The following ACTN1 variants were observed in gnomAD, a reference collection of about 807,000 sequenced individuals.
ACTN1 encodes actinin alpha 1.
A neutral mutation model predicts 119.6 loss-of-function variants in ACTN1; 30 were observed. The observed-to-expected ratio is 0.25, with a 90% CI of 0.19 to 0.34. The LOEUF (loss-of-function observed/expected upper bound fraction) is 0.34. Ranked by LOEUF, ACTN1 falls within the 10% of genes least tolerant of loss-of-function variation. The pLI, the probability that ACTN1 is intolerant of heterozygous loss-of-function variation, is 1.00. For synonymous variants in ACTN1, 429 were observed against 472.6 expected (o/e 0.91, Z 1.20); for missense variants, 764 against 1,223.4 (o/e 0.62, Z 5.60).
At chr14:68,968,891 C>T (rs192509176) in intron 1 of ACTN1, among the ~76,000 whole-genome samples, 13 of 152,350 alleles carry the variant, frequency 8.5e-5, no homozygotes, top group East Asian at 1.9e-4. Flanking sequence ...GGCAGCGGGA[C>T]GCAGGGATGC....
intron 1 of ACTN1, among the ~76,000 whole-genome samples, chr14:68,961,759 G>T (rs924781031): frequency 2.6e-5 from 4 of 152,196 alleles, no homozygotes; most frequent in African/African-American, 9.7e-5. Context: ...CACAGAAGGA[G>T]GAGGCAGGAG....
intron 11 of ACTN1, 112 bp downstream of exon 11, chr14:68,890,027 A>C: frequency 6.8e-7 from 1 of 1,475,728 alleles, no homozygotes; most frequent in Non-Finnish European, 9.1e-7. Flanking sequence ...GGAACTAGTA[A>C]GAGACCAAAT....
At chr14:68,930,682 C>T (rs1267181591) in intron 1 of ACTN1, among the ~76,000 whole-genome samples, 1 of 152,156 alleles carries the variant, frequency 6.6e-6, no homozygotes, top group African/African-American at 2.4e-5. Flanking sequence ...AGGTGGTAAA[C>T]CCTGGACAAG....
At chr14:68,930,065 C>T (rs2035150387) in intron 1 of ACTN1, among the ~76,000 whole-genome samples, 3 of 152,238 alleles carry the variant, frequency 2.0e-5, no homozygotes, top group African/African-American at 7.2e-5. Flanking sequence ...TCACATCTTT[C>T]ACAATTATCA....
chr14:68,978,863 G>T (rs1175752278), intron 1 of ACTN1, 89 bp downstream of exon 1: 3 of 918,760 alleles, frequency 3.3e-6, no homozygotes, highest in Non-Finnish European at 4.7e-6. Flanking sequence ...AACCGGTTCA[G>T]AGCCCGGAGC....
chr14:68,884,201 G>A lies in ACTN1; in HGVS notation c.1602C>T (p.Asp534=), dbSNP rs2031808690. 1 of 1,614,108 alleles carries A rather than the reference G, an allele frequency of 6.2e-7. No homozygotes were observed. The highest frequency in any genetic ancestry group is 8.5e-7 in the Non-Finnish European group (1 of 1,179,974). ...WMEGAMEDLQ[D]TFIVHTIEEI... ...CCTCAATGGTGTGCACAATGAAGGT[G>A]TCCTGCAGGTCCTCCATGGCCCCCT... The change falls in exon 14 of 22, where the codon GAC becomes GAT. Residue 534 remains aspartate (D), a synonymous_variant. Transcript: ENST00000394419.
intron 8 of ACTN1, among the ~76,000 whole-genome samples, chr14:68,898,228 C>T (rs1463250182): frequency 1.3e-5 from 2 of 152,226 alleles, no homozygotes; most frequent in Admixed American, 6.5e-5. Context: ...CTCTAAAACA[C>T]AAGCTACATA....
Position 68,878,782 on chromosome 14 carries a change from C to T in ACTN1, c.2361+207G>A, listed in dbSNP as rs539264823. The T allele has an allele frequency of 5.4e-5, 85 of 1,565,434 alleles. No homozygotes were observed. The highest frequency in any genetic ancestry group is 2.6e-4 in the African/African-American group (19 of 73,788). On this transcript the variant is annotated intron_variant, in intron 19 of 21. Transcript: ENST00000394419. This position sits in a 1 kb window ranked among gnomAD's most constrained non-coding sequence, Gnocchi z 4.4. ...GAAGAGCAGCGAGGACGGAAGACAG[C>T]GGGCACCCAGTAGGTTGCCATGAAA...
intron 1 of ACTN1, among the ~76,000 whole-genome samples, chr14:68,975,318 C>T (rs2037025273): frequency 6.6e-6 from 1 of 152,214 alleles, no homozygotes; most frequent in Admixed American, 6.5e-5. Flanking sequence ...CCTGTGGAAA[C>T]ACACATTAAA....
intron 1 of ACTN1, among the ~76,000 whole-genome samples, chr14:68,955,375 G>A (rs1323814939): frequency 6.6e-6 from 1 of 152,168 alleles, no homozygotes; most frequent in East Asian, 1.9e-4. Context: ...TCATGACAAT[G>A]ACTAGGCGCT....
In ACTN1 at chr14:68,925,602, A is replaced by C; in HGVS notation, c.176T>G (p.Phe59Cys). 1 of 1,613,568 alleles carries C rather than the reference A, an allele frequency of 6.2e-7. No individual in the cohort carries two copies. The highest frequency in any genetic ancestry group is 8.5e-7 in the Non-Finnish European group (1 of 1,179,730). Residue 59 changes from phenylalanine to cysteine, a missense_variant, in exon 2 of 22, where the codon TTC (phenylalanine) becomes TGC (cysteine). Phe to Cys is a radical substitution (Grantham distance 205, BLOSUM62 -2). Coordinates refer to ENST00000394419, the MANE Select transcript of ACTN1 (RefSeq NM_001130004.2). The surrounding 1 kb of genome is among the most constrained non-coding windows in gnomAD (Gnocchi z 4.3). ...CAGCATGAGCTTCAGGCCATCCCGG[A>C]AGTCCTCTTCGATGTTCTCGATCTG... ...GTQIENIEED[F>C]RDGLKLMLLL...
chr14:68,879,983 G>A lies in ACTN1; in HGVS notation c.2259C>T (p.Ala753=). 1 of 1,614,204 alleles carries A rather than the reference G, an allele frequency of 6.2e-7. No individual in the cohort carries two copies. The highest frequency in any genetic ancestry group is 8.5e-7 in the Non-Finnish European group (1 of 1,180,000). The change falls in exon 18 of 22, where the codon GCC becomes GCT. Residue 753 remains alanine (A), a synonymous_variant. Transcript: ENST00000394419. This position sits in a 1 kb window ranked among gnomAD's most constrained non-coding sequence, Gnocchi z 4.9. ...ISQEQMNEFR[A]SFNHFDRDHS... is the part of the protein sequence containing the mutation. ...TCACCCGGTCAAAGTGGTTGAAGGAGGCCCGGAACTCATTCATCTGCTCCT... is the reference window on the plus strand; with the variant it reads ...TCACCCGGTCAAAGTGGTTGAAGGAAGCCCGGAACTCATTCATCTGCTCCT...
chr14:68,882,777 C>T lies in ACTN1; in HGVS notation c.1818+96G>A, dbSNP rs2031671694. On this transcript the variant is annotated intron_variant, in intron 15 of 21. Transcript: ENST00000394419. This position sits in a 1 kb window ranked among gnomAD's most constrained non-coding sequence, Gnocchi z 4.5. ...CAAACAATGAGTGTTTACTATATGA[C>T]AATTTTAAATGAAATTGACAAAAAT... 2.6e-6 allele frequency: 4 copies of T among 1,542,364 alleles called. No homozygotes were observed. Among genetic ancestry groups the T allele is most frequent in the Admixed American group, 1.8e-5 (1 of 55,928 alleles).
intron 1 of ACTN1, among the ~76,000 whole-genome samples, chr14:68,971,708 C>T (rs1389412641): frequency 2.0e-5 from 3 of 152,206 alleles, no homozygotes; most frequent in Non-Finnish European, 4.4e-5. Flanking sequence ...TTCCCTAGGT[C>T]CCCCAGCCCT....
chr14:68,962,180 C>G (rs1463336779), intron 1 of ACTN1, among the ~76,000 whole-genome samples: 2 of 152,190 alleles, frequency 1.3e-5, no homozygotes, highest in African/African-American at 2.4e-5. Flanking sequence ...TGCCCTGCAT[C>G]TTTTACGACA....
chr14:68,888,016 C>T (rs550567264), intron 11 of ACTN1: 1 of 744,464 alleles, frequency 1.3e-6, no homozygotes, highest in Admixed American at 1.7e-5. Flanking sequence ...TAACTGACAA[C>T]CGCGCCGATC....
At chr14:68,940,815 TATC>T (rs1049521940) in intron 1 of ACTN1, among the ~76,000 whole-genome samples, 12 of 152,212 alleles carry the variant, frequency 7.9e-5, no homozygotes, top group African/African-American at 2.6e-4. Flanking sequence ...TCAAACCACT[TATC>T]ATTACAAATT....
chr14:68,926,989 G>C (rs1251996635), intron 1 of ACTN1, among the ~76,000 whole-genome samples: 1 of 152,168 alleles, frequency 6.6e-6, no homozygotes, highest in South Asian at 2.1e-4. Flanking sequence ...GTGACTTTGG[G>C]CTTAATTTTT....
intron 3 of ACTN1, among the ~76,000 whole-genome samples, chr14:68,912,809 G>A (rs758747997): frequency 2.6e-5 from 4 of 152,150 alleles, no homozygotes; most frequent in Admixed American, 6.5e-5. Context: ...ACAGAGAAGG[G>A]GGCATTTGAA....
Sources: gnomAD v4.1 joint callset for allele counts (sites outside exome capture counted in the v4.1 genomes callset) on GRCh38, gnomAD v4.1.1 for gene constraint, Gnocchi (gnomAD v3.1) non-coding constraint, MANE v1.5 for transcripts, NCBI Gene and HGNC (gene_info 2026-07-23, HGNC 2026-07-21) for gene names.